FGD6: variants seen among roughly 807,000 people sequenced by gnomAD.
FGD6 encodes the protein FYVE, RhoGEF and PH domain-containing protein 6.
FGD6 carries 90 observed loss-of-function variants against 149.4 expected under a neutral mutation model. That is an observed-to-expected ratio of 0.60 (90% CI 0.51 to 0.72). FGD6 has a LOEUF of 0.72. Among genes scored for constraint, FGD6 ranks in the 30% least tolerant of loss-of-function variants. The pLI is 0.00. For synonymous variants in FGD6, 527 were observed against 584.0 expected, an observed-to-expected ratio of 0.90 and a Z score of 1.41; for missense variants, 1,437 against 1,684.8, an observed-to-expected ratio of 0.85 and a Z score of 2.57.
rs1328736337 is a variant in FGD6, at chr12:95,141,411, T to C, written c.2814A>G (p.Glu938=). ...ACCAGTGCAACATTCTTTCCTCCAG[T>C]TCCTTCAAGAGATCCCGGTTGAGCT... The part of the protein sequence containing the change: ...LYELNRDLLK[E]LEERMLHWTE... The change falls in exon 6 of 21, where the codon GAA becomes GAG. Residue 938 remains glutamate, a synonymous_variant. Coordinates refer to ENST00000343958, the MANE Select transcript of FGD6 (RefSeq NM_018351.4). 5.6e-6 allele frequency: 9 copies of C among 1,613,970 alleles called. No homozygotes were observed. Among genetic ancestry groups the C allele is most frequent in the Non-Finnish European group, 7.6e-6 (9 of 1,179,998 alleles).
chr12:95,153,323 T>C (rs1231045424), intron 3 of FGD6, among the ~76,000 whole-genome samples: 2 of 152,136 alleles, frequency 1.3e-5, no homozygotes, highest in Non-Finnish European at 2.9e-5. Flanking sequence ...AGTGGCCCCT[T>C]ACAGATAGAT....
intron 8 of FGD6, among the ~76,000 whole-genome samples, chr12:95,130,520 A>G (rs1241812854): frequency 6.6e-6 from 1 of 152,236 alleles, no homozygotes; most frequent in Non-Finnish European, 1.5e-5. Context: ...AAATCATTTG[A>G]GCTTTATTAT....
intron 8 of FGD6, among the ~76,000 whole-genome samples, chr12:95,120,013 G>A (rs572451030): frequency 1.8e-4 from 28 of 151,742 alleles, no homozygotes; most frequent in African/African-American, 6.8e-4. Context: ...GGAGGATCAC[G>A]ATGTCAGGAG....
At position 95,077,615 on chromosome 12, in the gene FGD6, G is replaced by C. The variant is rs529690115; in HGVS notation, c.*3905C>G. On this transcript the variant is annotated 3_prime_UTR_variant, in exon 21 of 21. Coordinates refer to ENST00000343958, the MANE Select transcript of FGD6 (RefSeq NM_018351.4). ...ATGTTGTTGGAAGACTGCTCTGGCCGTGTTTAAAATGGGATCACACAACGG... is the reference window on the plus strand; with the variant it reads ...ATGTTGTTGGAAGACTGCTCTGGCCCTGTTTAAAATGGGATCACACAACGG... The C allele has an allele frequency of 6.6e-6, 1 of 152,204 alleles. No homozygotes were observed. The highest frequency in any genetic ancestry group is 1.9e-4 in the East Asian group (1 of 5,206). The allele number at this position is 152,204 out of a possible 1,614,324, so 9.4% of individuals were successfully genotyped here.
rs977869982 is a variant in FGD6 at position 95,128,462 on chromosome 12, A to G, written c.3082+6277T>C. ...CACTATGTTGACTAGGCAGGTTTCA[A>G]ACTCCTGGGCTCAAGCGATCCTCCC... On this transcript the variant is annotated intron_variant, in intron 8 of 20. Transcript: ENST00000343958. 7.2e-5 allele frequency among the ~76,000 whole-genome samples: 11 copies of G among 152,246 alleles called. No individual in the cohort carries two copies. In the East Asian group the frequency reaches 1.9e-3, roughly 27 times the overall value.
chr12:95,154,400 G>C (rs1055439646), intron 3 of FGD6, among the ~76,000 whole-genome samples: 1 of 152,138 alleles, frequency 6.6e-6, no homozygotes, highest in East Asian at 1.9e-4. Context: ...TGTTGTTGTT[G>C]TTTTCAATAA....
chr12:95,204,409 C>T (rs73225625), intron 2 of FGD6, among the ~76,000 whole-genome samples: 329 of 152,110 alleles, frequency 2.2e-3, no homozygotes, highest in Non-Finnish European at 3.4e-3. Flanking sequence ...CAAAGGAGAA[C>T]GGGGAGGGAA....
chr12:95,099,936 CT>C (rs928622835), intron 14 of FGD6, among the ~76,000 whole-genome samples: 18 of 151,956 alleles, frequency 1.2e-4, no homozygotes, highest in Admixed American at 8.5e-4. Context: ...GGAATTCTTG[CT>C]GTTTCTTTAA....
intron 2 of FGD6, among the ~76,000 whole-genome samples, chr12:95,206,122 T>C (rs2056691739): frequency 1.3e-5 from 2 of 152,036 alleles, no homozygotes; most frequent in South Asian, 4.1e-4. Context: ...GAGATAATGG[T>C]AAGCCCTTAG....
rs774936350 is a variant in FGD6 at position 95,210,792 on chromosome 12, T to C, written c.492A>G (p.Glu164=). The C allele has an allele frequency of 1.5e-5, 24 of 1,613,994 alleles. No individual in the cohort carries two copies. The South Asian group carries it at 2.4e-4, about 16-fold the overall frequency. Residue 164 remains glutamate (E), a synonymous_variant, in exon 2 of 21, where the codon GAA becomes GAG. Transcript: ENST00000343958. ...KTRSKCDLYG[E]KAKNQGGVVL... is the part of the protein sequence containing the mutation. The stretch of plus-strand genomic sequence containing the variant: ...CAACCCCACCCTGGTTCTTGGCTTT[T>C]TCACCATACAAATCACATTTACTCC...
intron 5 of FGD6, among the ~76,000 whole-genome samples, chr12:95,144,403 T>A (rs1231784530): frequency 6.9e-6 from 1 of 145,746 alleles, no homozygotes; most frequent in Non-Finnish European, 1.5e-5. Context: ...AGTTACTTTT[T>A]TTTTTTGAGA....
chr12:95,148,685 ATATATAT>A (rs1435132255), intron 5 of FGD6, among the ~76,000 whole-genome samples: 8 of 103,856 alleles, frequency 7.7e-5, no homozygotes, highest in South Asian at 3.0e-4. Flanking sequence ...ATGTTATATT[ATATATAT>A]TATATATTAT....
chr12:95,161,895 C>T (rs1012990026), intron 3 of FGD6, among the ~76,000 whole-genome samples: 2 of 152,098 alleles, frequency 1.3e-5, no homozygotes, highest in African/African-American at 4.8e-5. Flanking sequence ...ACAGGCAGAT[C>T]TTAAATTTCA....
chr12:95,210,772 C>G lies in FGD6; in HGVS notation c.512G>C (p.Gly171Ala). Residue 171 changes from glycine to alanine, a missense_variant, in exon 2 of 21, where the codon GGG becomes GCG. Gly to Ala is a moderately conservative substitution (Grantham distance 60). Transcript: ENST00000343958. ...TAAAACGCTTGCCTTTAAAACAACC[C>G]CACCCTGGTTCTTGGCTTTTTCACC... ...LYGEKAKNQG[G>A]VVLKASVLEE... 1 of 1,614,116 alleles carries G rather than the reference C, an allele frequency of 6.2e-7. No homozygotes were observed. The highest frequency in any genetic ancestry group is 8.5e-7 in the Non-Finnish European group (1 of 1,180,002).
chr12:95,125,977 T>C (rs1592843000), intron 8 of FGD6: 1 of 1,400,264 alleles, frequency 7.1e-7, no homozygotes, highest in Non-Finnish European at 1.0e-6. Context: ...CAGAAGTATG[T>C]CCCACAAGCC....
At position 95,080,468 on chromosome 12, in the gene FGD6, T is replaced by TTG. The variant is rs557159812; in HGVS notation, c.*1051_*1052insCA. The stretch of plus-strand genomic sequence containing the variant: ...CTGCTTATAGAGAAAGGATTTGTTG[T>TTG]TTTTTTTTTTAATTAGGAGGGAGGA... On this transcript the variant is annotated 3_prime_UTR_variant, in exon 21 of 21. Transcript: ENST00000343958. 9.6e-5 allele frequency: 7 copies of TTG among 72,632 alleles called. No homozygotes were observed. Among genetic ancestry groups the TTG allele is most frequent in the South Asian group, 4.0e-4 (1 of 2,470 alleles). 4.5% of individuals were successfully genotyped at this position (72,632 alleles called of 1,614,324 possible).
Position 95,141,428 on chromosome 12 carries a change from G to C in FGD6, c.2797C>G (p.Arg933Gly). ...TCCTCCAGTTCCTTCAAGAGATCCCGGTTGAGCTCATACAGCTGAGGCAAG... is the reference window on the plus strand; with the variant it reads ...TCCTCCAGTTCCTTCAAGAGATCCCCGTTGAGCTCATACAGCTGAGGCAAG... ...YYLPQLYELN[R>G]DLLKELEERM... Residue 933 changes from arginine (R) to glycine (G), a missense_variant, in exon 6 of 21, where the codon CGG becomes GGG. Physicochemically the swap from Arg to Gly is moderately radical, Grantham distance 125. Coordinates refer to ENST00000343958, the MANE Select transcript of FGD6 (RefSeq NM_018351.4). 1 of 1,614,098 alleles carries C rather than the reference G, an allele frequency of 6.2e-7. No homozygotes were observed. Among genetic ancestry groups the C allele is most frequent in the Non-Finnish European group, 8.5e-7 (1 of 1,180,006 alleles).
At chr12:95,187,755 C>T (rs1370674908) in intron 2 of FGD6, among the ~76,000 whole-genome samples, 1 of 152,174 alleles carries the variant, frequency 6.6e-6, no homozygotes, top group East Asian at 1.9e-4. Context: ...GTCAAGAACT[C>T]CTACAGTGAG....
rs1484276048 is a variant in FGD6, at chr12:95,149,139, T to G, written c.2685+3672A>C. Among the ~76,000 whole-genome samples, 19 of 32,836 alleles carry G rather than the reference T, an allele frequency of 5.8e-4. 2 individuals are homozygous for G. The East Asian group carries it at 0.015, about 26-fold the overall frequency. 21.5% of individuals were successfully genotyped at this position (32,836 alleles called of 152,430 possible). A position where few individuals can be genotyped will look rare whatever the true frequency, so the allele number is the denominator to read the frequency against. On this transcript the variant is annotated intron_variant, in intron 5 of 20. Transcript: ENST00000343958. The stretch of plus-strand genomic sequence containing the variant: ...TATATTATATAATATATAGCATATA[T>G]TATATATTATATAATATATAGCATA...
Sources: allele counts gnomAD v4.1 joint callset (sites outside exome capture counted in the v4.1 genomes callset), GRCh38; gene constraint gnomAD v4.1.1; transcripts MANE v1.5; gene names NCBI Gene and HGNC (gene_info 2026-07-23, HGNC 2026-07-21).